Variants in ARB2A observed in about 807,000 individuals in gnomAD.
ARB2A encodes cotranscriptional regulator ARB2A.
At chr5:93,841,234 C>G in the ARB2A span, among the ~76,000 whole-genome samples, 1 of 152,020 alleles carries the variant, frequency 6.6e-6, no homozygotes, top group African/African-American at 2.4e-5. Context: ...GCGGATTCAA[C>G]CAACCAATGA....
the ARB2A span, among the ~76,000 whole-genome samples, chr5:93,918,406 A>T: frequency 6.6e-6 from 1 of 151,638 alleles, no homozygotes; most frequent in South Asian, 2.1e-4. Flanking sequence ...GGGAAAGACT[A>T]AATATTAGGT....
chr5:94,018,331 C>A, the ARB2A span, among the ~76,000 whole-genome samples: 6 of 152,158 alleles, frequency 3.9e-5, no homozygotes, highest in African/African-American at 1.4e-4. Flanking sequence ...TCAGAAAAGT[C>A]AGCCACTATT....
chr5:94,072,735 A>T, the ARB2A span, among the ~76,000 whole-genome samples: 1 of 152,160 alleles, frequency 6.6e-6, no homozygotes, highest in Non-Finnish European at 1.5e-5. Flanking sequence ...TGGCCAAGGG[A>T]AAAAGTAATA....
the ARB2A span, among the ~76,000 whole-genome samples, chr5:94,074,296 G>T: frequency 2.0e-5 from 3 of 152,062 alleles, no homozygotes; most frequent in Admixed American, 1.3e-4. Context: ...TACAGAAACA[G>T]ACAGATCATT....
chr5:93,782,069 A>C, the ARB2A span: 1 of 252,058 alleles, frequency 4.0e-6, no homozygotes, highest in Non-Finnish European at 6.3e-6. Context: ...AAGAGGTCAC[A>C]CATTTAGGTA....
chr5:94,064,161 G>GA, the ARB2A span, among the ~76,000 whole-genome samples: 5 of 152,144 alleles, frequency 3.3e-5, no homozygotes. Context: ...TATAAAAAAA[G>GA]AACCAATCAG....
chr5:93,793,690 T>C, the ARB2A span, among the ~76,000 whole-genome samples: 1 of 152,134 alleles, frequency 6.6e-6, no homozygotes, highest in Admixed American at 6.5e-5. Flanking sequence ...ATGACTTACA[T>C]CACAGGTTGG....
chr5:94,107,681 G>A, the ARB2A span, among the ~76,000 whole-genome samples: 2 of 152,076 alleles, frequency 1.3e-5, no homozygotes, highest in Non-Finnish European at 2.9e-5. Flanking sequence ...AAATTACTCA[G>A]TTGAACTCAT....
At chr5:93,961,668 G>C in the ARB2A span, among the ~76,000 whole-genome samples, 1 of 151,940 alleles carries the variant, frequency 6.6e-6, no homozygotes, top group Non-Finnish European at 1.5e-5. Flanking sequence ...GTGCAACAGA[G>C]TGAGACTCTG....
At chr5:94,079,120 T>C in the ARB2A span, among the ~76,000 whole-genome samples, 2 of 152,194 alleles carry the variant, frequency 1.3e-5, no homozygotes, top group Non-Finnish European at 2.9e-5. Flanking sequence ...ATCTGTTAAC[T>C]TGGGTTTCCA....
At chr5:94,033,947 T>C in the ARB2A span, among the ~76,000 whole-genome samples, 1 of 152,218 alleles carries the variant, frequency 6.6e-6, no homozygotes, top group African/African-American at 2.4e-5. Context: ...GGATTAGTTC[T>C]TGTGGGAATG....
chr5:93,767,768 G>A, the ARB2A span, among the ~76,000 whole-genome samples: 3 of 151,920 alleles, frequency 2.0e-5, no homozygotes, highest in Admixed American at 2.0e-4. Flanking sequence ...GCCGAGATGG[G>A]TGGATCACGA....
chr5:93,667,370 T>C, the ARB2A span, among the ~76,000 whole-genome samples: 4 of 152,216 alleles, frequency 2.6e-5, no homozygotes, highest in African/African-American at 9.6e-5. Flanking sequence ...CTTCCATTTT[T>C]ACATATCTAC....
the ARB2A span, among the ~76,000 whole-genome samples, chr5:94,001,367 T>C: frequency 2.0e-5 from 3 of 152,138 alleles, no homozygotes; most frequent in African/African-American, 7.2e-5. Flanking sequence ...ATTTGGTTTC[T>C]GATAATTTGT....
At chr5:93,897,428 A>G in the ARB2A span, among the ~76,000 whole-genome samples, 1 of 151,962 alleles carries the variant, frequency 6.6e-6, no homozygotes, top group African/African-American at 2.4e-5. Context: ...AGGAGAAAAT[A>G]TAATTGTACT....
At chr5:93,940,904 CAG>C in the ARB2A span, among the ~76,000 whole-genome samples, 29 of 152,064 alleles carry the variant, frequency 1.9e-4, no homozygotes, top group African/African-American at 4.6e-4. Flanking sequence ...TAAAGAAACT[CAG>C]GGGATAAGCT....
chr5:94,108,397 G>A, the ARB2A span, among the ~76,000 whole-genome samples: 1 of 151,490 alleles, frequency 6.6e-6, no homozygotes, highest in Non-Finnish European at 1.5e-5. Context: ...TAATTTCTAA[G>A]TTTGGAGTTA....
the ARB2A span, among the ~76,000 whole-genome samples, chr5:93,911,663 A>AC: frequency 7.6e-6 from 1 of 132,290 alleles, no homozygotes; most frequent in African/African-American, 2.7e-5. Context: ...CATACACACA[A>AC]ACACATTTCA....
chr5:93,890,188 G>A, the ARB2A span, among the ~76,000 whole-genome samples: 2 of 151,846 alleles, frequency 1.3e-5, no homozygotes, highest in Admixed American at 1.3e-4. Context: ...CCAACTATCA[G>A]TTGTTTTTAG....
Sources: allele counts gnomAD v4.1 joint callset (sites outside exome capture counted in the v4.1 genomes callset), GRCh38; gene constraint gnomAD v4.1.1; transcripts MANE v1.5; gene names NCBI Gene and HGNC (gene_info 2026-07-23, HGNC 2026-07-21).